The following CCDC28A variants were observed in gnomAD, a reference collection of about 807,000 sequenced individuals.
CCDC28A encodes coiled-coil domain-containing protein 28A.
A neutral mutation model predicts 22.1 loss-of-function variants in CCDC28A; 24 were observed. That is an observed-to-expected ratio of 1.09 (90% confidence interval 0.79 to 1.53). The LOEUF (loss-of-function observed/expected upper bound fraction) is 1.53. Ranked by LOEUF, CCDC28A falls within the 40% of genes most tolerant of loss-of-function variation. The pLI is 0.00. For synonymous variants in CCDC28A, 83 were observed against 74.7 expected, an observed-to-expected ratio of 1.11 and a Z score of -0.57; for missense variants, 170 against 210.7, an observed-to-expected ratio of 0.81 and a Z score of 1.20.
At chr6:138,785,094 T>C in intron 3 of CCDC28A, 133 bp from the exon 4 acceptor site, 1 of 536,010 alleles carries the variant, frequency 1.9e-6, no homozygotes. Flanking sequence ...ACACAGAAAA[T>C]ATTAATGATT....
At chr6:138,784,353 C>CTTTTTTTTTT (rs10689868) in intron 3 of CCDC28A, among the ~76,000 whole-genome samples, 1 of 140,238 alleles carries the variant, frequency 7.1e-6, no homozygotes, top group African/African-American at 2.7e-5. Flanking sequence ...TTCTCTTTTT[C>CTTTTTTTTTT]TTTTTTTTTT....
intron 3 of CCDC28A, among the ~76,000 whole-genome samples, chr6:138,780,387 G>A (rs1253288501): frequency 1.3e-5 from 2 of 152,002 alleles, no homozygotes; most frequent in African/African-American, 2.4e-5. Context: ...TTAAAGTTAG[G>A]AATTAAAAGA....
chr6:138,785,650 G>A (rs3763187), intron 4 of CCDC28A, among the ~76,000 whole-genome samples: 42,237 of 151,966 alleles, frequency 0.28, 6,496 homozygotes, highest in African/African-American at 0.41. Context: ...GTGGAATTAT[G>A]CAGTATGTGG....
At chr6:138,790,019 A>G (rs1039221947) in intron 5 of CCDC28A, among the ~76,000 whole-genome samples, 5 of 152,210 alleles carry the variant, frequency 3.3e-5, no homozygotes, top group Non-Finnish European at 7.3e-5. Context: ...GTCAAGAAAG[A>G]GTTAAAGAAG....
intron 3 of CCDC28A, among the ~76,000 whole-genome samples, chr6:138,783,272 T>C (rs919498041): frequency 3.9e-4 from 57 of 146,168 alleles, no homozygotes; most frequent in African/African-American, 1.3e-3. Context: ...ATTGAACTTT[T>C]TTTTTTTTTT....
At chr6:138,789,949 T>C (rs1775146272) in intron 5 of CCDC28A, among the ~76,000 whole-genome samples, 1 of 152,138 alleles carries the variant, frequency 6.6e-6, no homozygotes, top group Non-Finnish European at 1.5e-5. Flanking sequence ...ATGCCCCCCA[T>C]TTTGCAGATG....
intron 5 of CCDC28A, among the ~76,000 whole-genome samples, chr6:138,790,442 G>T (rs915775563): frequency 1.3e-5 from 2 of 152,168 alleles, no homozygotes; most frequent in Non-Finnish European, 2.9e-5. Flanking sequence ...TAGCCACCAC[G>T]CCCGGCCCTT....
Position 138,785,453 on chromosome 6 carries a change from T to G in CCDC28A, c.477+72T>G, listed in dbSNP as rs770794674. On this transcript the variant is annotated intron_variant, in intron 4 of 5. Coordinates refer to ENST00000617445, the MANE Select transcript of CCDC28A (RefSeq NM_015439.3). ...GCGAAAAAATGTACCTTTTGAACTA[T>G]TTTAATGTATACAATCACGTGGTTG... 9 of 1,114,198 alleles carry G rather than the reference T, an allele frequency of 8.1e-6. No individual in the cohort carries two copies. The East Asian group carries it at 2.1e-4, about 26-fold the overall frequency. 69.0% of individuals were successfully genotyped at this position (1,114,198 alleles called of 1,614,324 possible). A position where few individuals can be genotyped will look rare whatever the true frequency, so the allele number is the denominator to read the frequency against.
intron 4 of CCDC28A, 61 bp downstream of exon 4, chr6:138,785,442 C>A: frequency 8.0e-7 from 1 of 1,257,608 alleles, no homozygotes; most frequent in Non-Finnish European, 1.1e-6. Flanking sequence ...AAAAATGTAC[C>A]TTTTGAACTA....
intron 3 of CCDC28A, among the ~76,000 whole-genome samples, chr6:138,780,881 A>G (rs948301649): frequency 1.3e-5 from 2 of 152,174 alleles, no homozygotes; most frequent in African/African-American, 2.4e-5. Context: ...CTATTTCTCA[A>G]TATTTTAAAA....
At chr6:138,792,661 G>A (rs570159801) in intron 5 of CCDC28A, 88 bp from the exon 6 acceptor site, 56 of 818,692 alleles carry the variant, frequency 6.8e-5, no homozygotes, top group South Asian at 3.0e-4. Flanking sequence ...TTTAAATACC[G>A]CTTTCTCTTT....
Position 138,776,402 on chromosome 6 carries a change from C to T in CCDC28A, c.158+124C>T, listed in dbSNP as rs568750889. 5.4e-4 allele frequency: 384 copies of T among 710,198 alleles called. 4 individuals carry two copies. The South Asian group carries it at 6.3e-3, about 12-fold the overall frequency. The allele number at this position is 710,198 out of a possible 1,614,324, so 44.0% of individuals were successfully genotyped here. A position where few individuals can be genotyped will look rare whatever the true frequency, so the allele number is the denominator to read the frequency against. On this transcript the variant is annotated intron_variant, in intron 2 of 5. Transcript: ENST00000617445. ...TAAAACAGTTGAGGCACCCATTATG[C>T]GTGATTTAGAAGAAAAATTTATGAA...
intron 3 of CCDC28A, among the ~76,000 whole-genome samples, chr6:138,780,413 T>G (rs1774997904): frequency 6.6e-6 from 1 of 152,152 alleles, no homozygotes; most frequent in Non-Finnish European, 1.5e-5. Context: ...GTTTTCTTGT[T>G]TTTTCATGAG....
intron 5 of CCDC28A, among the ~76,000 whole-genome samples, chr6:138,790,249 C>G (rs919333973): frequency 1.3e-5 from 2 of 152,122 alleles, no homozygotes; most frequent in Non-Finnish European, 2.9e-5. Flanking sequence ...CTCTGGGGTT[C>G]AAGCAATTCT....
chr6:138,778,627 G>A (rs1362043341), intron 2 of CCDC28A, among the ~76,000 whole-genome samples: 1 of 152,192 alleles, frequency 6.6e-6, no homozygotes, highest in Non-Finnish European at 1.5e-5. Flanking sequence ...GGATGCTAAT[G>A]TAGGCAGAGG....
chr6:138,776,103 A>C lies in CCDC28A; in HGVS notation c.-18A>C. On this transcript the variant is annotated 5_prime_UTR_variant, in exon 2 of 6. Coordinates refer to ENST00000617445, the MANE Select transcript of CCDC28A (RefSeq NM_015439.3). ...GGTCTTAAGAAGCTGGCCGTGGTGC[A>C]ATAAGGAACTTAAAACAATGGAAGA... The C allele has an allele frequency of 6.2e-7, 1 of 1,614,112 alleles. No homozygotes were observed. The highest frequency in any genetic ancestry group is 8.5e-7 in the Non-Finnish European group (1 of 1,179,974).
chr6:138,777,170 C>T (rs1414988377), intron 2 of CCDC28A, among the ~76,000 whole-genome samples: 1 of 152,114 alleles, frequency 6.6e-6, no homozygotes, highest in Non-Finnish European at 1.5e-5. Context: ...CCAATCTCAC[C>T]CTGGCAAGTT....
At chr6:138,788,580 T>G (rs142632478) in intron 5 of CCDC28A, among the ~76,000 whole-genome samples, 192 bp downstream of exon 5, 1 of 79,774 alleles carries the variant, frequency 1.3e-5, no homozygotes, top group Non-Finnish European at 2.6e-5. Flanking sequence ...TTTTTTTTTT[T>G]TTTTTTTTTT....
intron 2 of CCDC28A, among the ~76,000 whole-genome samples, chr6:138,776,797 G>A (rs558768321): frequency 4.6e-5 from 7 of 151,990 alleles, no homozygotes; most frequent in African/African-American, 1.7e-4. Context: ...GTGACTGTGT[G>A]GTGTGACACC....
Sources: allele counts gnomAD v4.1 joint callset (sites outside exome capture counted in the v4.1 genomes callset), GRCh38; gene constraint gnomAD v4.1.1; transcripts MANE v1.5; gene names NCBI Gene and HGNC (gene_info 2026-07-23, HGNC 2026-07-21).